Variants in TBC1D1 observed in about 807,000 individuals in gnomAD.
The protein encoded by TBC1D1 is TBC1 domain family member 1.
A neutral mutation model predicts 125.6 loss-of-function variants in TBC1D1; 89 were observed. The observed-to-expected ratio is 0.71, with a 90% CI of 0.60 to 0.85. TBC1D1 has a LOEUF of 0.85. TBC1D1 is among the 40% of genes least tolerant of loss of function. The probability of loss-of-function intolerance (pLI) is 0.00; values close to 1 mark genes in which losing one functional copy is unlikely to be tolerated. For synonymous variants in TBC1D1, 565 were observed against 564.1 expected, an observed-to-expected ratio of 1.00 and a Z score of -0.02; for missense variants, 1,377 against 1,469.2, an observed-to-expected ratio of 0.94 and a Z score of 1.03.
intron 12 of TBC1D1, chr4:38,055,078 A>T (rs1423945487): frequency 6.6e-6 from 1 of 152,094 alleles, no homozygotes; most frequent in African/African-American, 2.4e-5. Context: ...CCGAGATCTT[A>T]TTGGGAAGCT....
chr4:38,003,911 A>T (rs1306105367), intron 2 of TBC1D1, among the ~76,000 whole-genome samples: 1 of 152,008 alleles, frequency 6.6e-6, no homozygotes, highest in Admixed American at 6.6e-5. Context: ...TACCTTACAA[A>T]CATCAAGGTA....
In TBC1D1 at chr4:37,942,653, CT is replaced by C. The variant is rs576402994; in HGVS notation, c.417+40142del. ...TCCCAGGTTCATGCCATTCTCCTGC[CT>C]CAGCCTCCCAAGTAGCTGGAACTAC... On this transcript the variant is annotated intron_variant, in intron 2 of 19. Transcript: ENST00000261439. Among the ~76,000 whole-genome samples, 6 of 152,236 alleles carry C rather than the reference CT, an allele frequency of 3.9e-5. No homozygotes were observed. The East Asian group carries it at 9.7e-4, about 25-fold the overall frequency.
intron 2 of TBC1D1, among the ~76,000 whole-genome samples, chr4:37,980,966 T>C (rs575738725): frequency 6.6e-6 from 1 of 151,820 alleles, no homozygotes; most frequent in South Asian, 2.1e-4. Flanking sequence ...TTTTTGACCC[T>C]GAGTCTCACT....
intron 9 of TBC1D1, among the ~76,000 whole-genome samples, 197 bp from the exon 10 acceptor site, chr4:38,045,620 G>A (rs1443348149): frequency 6.6e-6 from 1 of 152,160 alleles, no homozygotes; most frequent in East Asian, 1.9e-4. Flanking sequence ...GTTTTGGAAC[G>A]TTTAGGTTAG....
chr4:37,979,563 T>A (rs563147779), intron 2 of TBC1D1, among the ~76,000 whole-genome samples: 1 of 152,364 alleles, frequency 6.6e-6, no homozygotes, highest in South Asian at 2.1e-4. Context: ...GTGAATAATC[T>A]TGAAGTTGTT....
At chr4:37,936,184 A>G (rs1724351084) in intron 2 of TBC1D1, among the ~76,000 whole-genome samples, 1 of 152,172 alleles carries the variant, frequency 6.6e-6, no homozygotes, top group Non-Finnish European at 1.5e-5. Flanking sequence ...ACCATATATA[A>G]TATGTTTTTT....
chr4:38,052,159 C>G (rs1227674062), intron 11 of TBC1D1, 99 bp downstream of exon 12: 3 of 1,150,930 alleles, frequency 2.6e-6, no homozygotes, highest in Non-Finnish European at 3.7e-6. Flanking sequence ...ATGCAGGAAG[C>G]AGAGCCACTG....
chr4:38,075,226 T>C (rs1755382740), intron 12 of TBC1D1, among the ~76,000 whole-genome samples: 1 of 152,250 alleles, frequency 6.6e-6, no homozygotes, highest in Admixed American at 6.5e-5. Flanking sequence ...GTTTGAAATC[T>C]ATTGGGATTG....
chr4:37,968,534 C>G (rs1731466659), intron 2 of TBC1D1, among the ~76,000 whole-genome samples: 2 of 152,324 alleles, frequency 1.3e-5, no homozygotes, highest in South Asian at 4.1e-4. Context: ...ATGGATATAT[C>G]AAGGTAGAAT....
In TBC1D1 at chr4:38,004,046, G is replaced by A. The variant is rs557579034; in HGVS notation, c.418-10463G>A. Among the ~76,000 whole-genome samples, 19 of 152,262 alleles carry A rather than the reference G, an allele frequency of 1.2e-4. No homozygotes were observed. In the South Asian group the frequency reaches 3.3e-3, roughly 27 times the overall value. On this transcript the variant is annotated intron_variant, in intron 2 of 19. Coordinates refer to ENST00000261439, the MANE Select transcript of TBC1D1 (RefSeq NM_015173.4). ...GTCTCATTTTAGTAGAAGAGGAGTC[G>A]AGGTTCCTAGAGCTCAGGTGGCTTG...
rs964047523 is a variant in TBC1D1 at position 38,138,443 on chromosome 4, C to T, written c.*1108C>T. Reference sequence around the variant, plus strand: ...CACATCAAGATATTCAGGGGTGCCCCAAGAGTCTGGGACTTTCAAAAAAAA... The same window carrying T: ...CACATCAAGATATTCAGGGGTGCCCTAAGAGTCTGGGACTTTCAAAAAAAA... On this transcript the variant is annotated 3_prime_UTR_variant, in exon 20 of 20. Transcript: ENST00000261439. 2.0e-5 allele frequency: 3 copies of T among 151,662 alleles called. No homozygotes were observed. The highest frequency in any genetic ancestry group is 7.4e-5 in the African/African-American group (3 of 40,678). The allele number at this position is 151,662 out of a possible 1,614,324, so 9.4% of individuals were successfully genotyped here.
chr4:38,001,017 G>A (rs1002497730), intron 2 of TBC1D1, among the ~76,000 whole-genome samples: 4 of 152,114 alleles, frequency 2.6e-5, no homozygotes, highest in Non-Finnish European at 5.9e-5. Context: ...TCAGGAGATC[G>A]AGACCATCCT....
intron 2 of TBC1D1, chr4:37,996,114 G>T: frequency 2.0e-6 from 1 of 496,964 alleles, no homozygotes; most frequent in Non-Finnish European, 4.0e-6. Flanking sequence ...ATCTGTAGAG[G>T]AATTCCTTGG....
At position 37,902,532 on chromosome 4, in the gene TBC1D1, A is replaced by G. The variant is rs200564914; in HGVS notation, c.417+20A>G. 2.5e-6 allele frequency: 4 copies of G among 1,568,898 alleles called. No individual in the cohort carries two copies. Among genetic ancestry groups the G allele is most frequent in the Non-Finnish European group, 2.6e-6 (3 of 1,156,470 alleles). On this transcript the variant is annotated intron_variant, in intron 2 of 19. Transcript: ENST00000261439. ...ACAAAAGTAAGTGAGATGGAGATCC[A>G]AAAGACTAAGGTGTGGCTGGCTGGT... is the stretch of plus-strand genomic sequence containing the variant.
intron 16 of TBC1D1, among the ~76,000 whole-genome samples, chr4:38,117,087 A>G (rs1380543963): frequency 6.6e-6 from 1 of 152,198 alleles, no homozygotes; most frequent in East Asian, 1.9e-4. Flanking sequence ...TGAGTTTTCT[A>G]TAATTTATGT....
chr4:38,064,011 A>G (rs1753240965), intron 12 of TBC1D1, among the ~76,000 whole-genome samples: 1 of 151,688 alleles, frequency 6.6e-6, no homozygotes, highest in Non-Finnish European at 1.5e-5. Context: ...ACCTCTAACC[A>G]TAGACAGCCC....
intron 9 of TBC1D1, among the ~76,000 whole-genome samples, chr4:38,045,385 A>C (rs968639785): frequency 1.3e-5 from 2 of 152,220 alleles, no homozygotes; most frequent in African/African-American, 4.8e-5. Flanking sequence ...TTCTGAGATC[A>C]TGAAAAACAG....
chr4:37,933,936 A>G (rs1158724841), intron 2 of TBC1D1, among the ~76,000 whole-genome samples: 1 of 152,246 alleles, frequency 6.6e-6, no homozygotes, highest in African/African-American at 2.4e-5. Flanking sequence ...AAGGAGAGAC[A>G]CATCTCAGGA....
rs117024071 is a variant in TBC1D1 at position 38,086,388 on chromosome 4, T to C, written c.2051-3544T>C. ...ATGCCCTCTGCTAAACATTCTACAGTGTATAAAACTGTTCCTCCTGACAAA... is the reference window on the plus strand; with the variant it reads ...ATGCCCTCTGCTAAACATTCTACAGCGTATAAAACTGTTCCTCCTGACAAA... On this transcript the variant is annotated intron_variant, in intron 12 of 19. Transcript: ENST00000261439. Among the ~76,000 whole-genome samples the C allele has an allele frequency of 1.5e-3, 223 of 152,250 alleles. 4 individuals carry two copies. The East Asian group carries it at 0.036, about 25-fold the overall frequency.
Sources: gnomAD v4.1 joint callset for allele counts (sites outside exome capture counted in the v4.1 genomes callset) on GRCh38, gnomAD v4.1.1 for gene constraint, MANE v1.5 for transcripts, NCBI Gene and HGNC (gene_info 2026-07-23, HGNC 2026-07-21) for gene names.